The following EXD2 variants were observed in gnomAD, a reference collection of about 807,000 sequenced individuals.
The protein encoded by EXD2 is exonuclease 3'-5' domain containing 2, also known as exonuclease 3'-5' domain-containing protein 2.
In EXD2, 40 loss-of-function variants were observed where a neutral mutation model predicts 62.5. The ratio of observed to expected loss-of-function variants is 0.64; its 90% confidence interval spans 0.50 to 0.83. The LOEUF (loss-of-function observed/expected upper bound fraction) is 0.83, where lower values mean the gene tolerates loss of function less well. Ranked by LOEUF, EXD2 falls within the 40% of genes least tolerant of loss-of-function variation. The pLI is 0.00. For synonymous variants in EXD2, 239 were observed against 291.9 expected, an observed-to-expected ratio of 0.82 and a Z score of 1.85; for missense variants, 671 against 761.8, an observed-to-expected ratio of 0.88 and a Z score of 1.40.
At chr14:69,222,408 T>G (rs1042737082) in intron 3 of EXD2, among the ~76,000 whole-genome samples, 26 of 152,218 alleles carry the variant, frequency 1.7e-4, no homozygotes, top group African/African-American at 6.3e-4. Context: ...CTGACATCTT[T>G]CCATATTACT....
At chr14:69,216,164 C>G (rs959778334) in intron 3 of EXD2, among the ~76,000 whole-genome samples, 3 of 152,060 alleles carry the variant, frequency 2.0e-5, no homozygotes, top group Admixed American at 6.5e-5. Context: ...AATTTTTTCT[C>G]CTAAAGGGAT....
chr14:69,220,252 TG>T (rs1566829165), intron 3 of EXD2, among the ~76,000 whole-genome samples: 3 of 110,372 alleles, frequency 2.7e-5, no homozygotes, highest in African/African-American at 1.1e-4. Flanking sequence ...TTTGTCTCTC[TG>T]TTTTTTTTTT....
chr14:69,236,604 T>C (rs2043800230), intron 8 of EXD2, 62 bp downstream of exon 8: 1 of 1,608,210 alleles, frequency 6.2e-7, no homozygotes, highest in Admixed American at 1.7e-5. Context: ...TTTGTAGCCA[T>C]ATGCAGAGCC....
intron 2 of EXD2, among the ~76,000 whole-genome samples, chr14:69,208,651 A>G (rs78161116): frequency 0.02 from 3,081 of 152,300 alleles, 91 homozygotes; most frequent in African/African-American, 0.071. Flanking sequence ...ATGAAAAAGG[A>G]ACTATTTTGT....
At chr14:69,206,627 T>C (rs2042614866) in intron 2 of EXD2, among the ~76,000 whole-genome samples, 1 of 151,956 alleles carries the variant, frequency 6.6e-6, no homozygotes, top group South Asian at 2.1e-4. Context: ...ACTTAAGGCA[T>C]GTGCCACCAC....
intron 3 of EXD2, among the ~76,000 whole-genome samples, chr14:69,219,314 G>C (rs564410493): frequency 3.9e-5 from 6 of 152,230 alleles, no homozygotes; most frequent in African/African-American, 1.4e-4. Flanking sequence ...CTGTTTGTCT[G>C]TTATTGGTGT....
At position 69,216,523 on chromosome 14, in the gene EXD2, G is replaced by A. The variant is rs192532763; in HGVS notation, c.333+6720G>A. 5.3e-5 allele frequency among the ~76,000 whole-genome samples: 8 copies of A among 152,162 alleles called. No homozygotes were observed. In the East Asian group the frequency reaches 1.5e-3, roughly 29 times the overall value. On this transcript the variant is annotated intron_variant, in intron 3 of 9. Transcript: ENST00000685843. ...GCTCACTGCAGCCTCCACCTCCTGG[G>A]TTCAAGCCATTCTCCTGCCTCAGCC...
intron 3 of EXD2, among the ~76,000 whole-genome samples, chr14:69,212,316 G>C (rs2042834183): frequency 6.6e-6 from 1 of 152,110 alleles, no homozygotes; most frequent in Non-Finnish European, 1.5e-5. Flanking sequence ...GGTGGAGGTT[G>C]CAGTGAGCCG....
Position 69,201,686 on chromosome 14 carries a change from T to G in EXD2, c.-131-2231T>G, listed in dbSNP as rs918018603. Among the ~76,000 whole-genome samples the G allele has an allele frequency of 1.2e-3, 162 of 136,286 alleles. 1 individual carries two copies. The highest frequency in any genetic ancestry group is 3.3e-3 in the African/African-American group (118 of 35,376). The allele number at this position is 136,286 out of a possible 152,430, so 89.4% of individuals were successfully genotyped here. The stretch of plus-strand genomic sequence containing the variant: ...GTGTTTTCTCTGTTTTTTTTTTTTT[T>G]TTTTTTTTTTTTTTGAGACAGAGTC... On this transcript the variant is annotated intron_variant, in intron 1 of 9. Transcript: ENST00000685843.
chr14:69,242,269 C>A lies in EXD2; in HGVS notation c.*1169C>A. ...ACAAGCTTAAAAAAGAATTTTATGA[C>A]CAGAATCCAACAAGAGCTCTATTTT... On this transcript the variant is annotated 3_prime_UTR_variant, in exon 10 of 10. Coordinates refer to ENST00000685843, the MANE Select transcript of EXD2 (RefSeq NM_001193360.2). 2.7e-6 allele frequency: 1 copy of A among 374,000 alleles called. No homozygotes were observed. The allele number at this position is 374,000 out of a possible 1,614,324, so 23.2% of individuals were successfully genotyped here.
chr14:69,206,482 TTTTTGA>T (rs2042607329), intron 2 of EXD2, among the ~76,000 whole-genome samples: 1 of 97,534 alleles, frequency 1.0e-5, no homozygotes, highest in African/African-American at 3.6e-5. Context: ...TTTTTTTTTT[TTTTTGA>T]GATAGGGTCT....
intron 3 of EXD2, among the ~76,000 whole-genome samples, chr14:69,222,658 AG>A (rs2043225439): frequency 6.6e-6 from 1 of 152,182 alleles, no homozygotes; most frequent in Non-Finnish European, 1.5e-5. Flanking sequence ...TGCCTACAAG[AG>A]TCAAGCACGT....
rs2140068998 is a variant in EXD2, at chr14:69,243,837, G to C, written c.*2737G>C. The C allele has an allele frequency of 6.6e-6, 1 of 152,214 alleles. No homozygotes were observed. Among genetic ancestry groups the C allele is most frequent in the Non-Finnish European group, 1.5e-5 (1 of 68,020 alleles). 9.4% of individuals were successfully genotyped at this position (152,214 alleles called of 1,614,324 possible). Reference sequence around the variant, plus strand: ...AGTGAGAGGACAGTGTCACAGCAAGGGCCTCTCTGCATGCTCCCTGATCAT... The same window carrying C: ...AGTGAGAGGACAGTGTCACAGCAAGCGCCTCTCTGCATGCTCCCTGATCAT... On this transcript the variant is annotated 3_prime_UTR_variant, in exon 10 of 10. Coordinates refer to ENST00000685843, the MANE Select transcript of EXD2 (RefSeq NM_001193360.2).
intron 3 of EXD2, among the ~76,000 whole-genome samples, chr14:69,214,418 G>A (rs960465892): frequency 5.3e-5 from 8 of 151,988 alleles, no homozygotes; most frequent in Non-Finnish European, 7.4e-5. Context: ...CATTATATAC[G>A]ATTTCTTCTG....
intron 1 of EXD2, among the ~76,000 whole-genome samples, chr14:69,198,528 C>T (rs2042284721): frequency 6.6e-6 from 1 of 152,172 alleles, no homozygotes; most frequent in Non-Finnish European, 1.5e-5. Flanking sequence ...ATAATGATGG[C>T]CCCTCATGAC....
At chr14:69,229,178 G>A in intron 4 of EXD2, 106 bp downstream of exon 4, 5 of 1,372,804 alleles carry the variant, frequency 3.6e-6, no homozygotes, top group Non-Finnish European at 4.9e-6. Context: ...AATTGTATAG[G>A]AGCCTAGAGG....
At chr14:69,234,602 A>C in intron 5 of EXD2, 98 bp from the exon 6 acceptor site, 1 of 979,848 alleles carries the variant, frequency 1.0e-6, no homozygotes, top group Non-Finnish European at 1.5e-6. Context: ...ATTTTGAATT[A>C]GGATCCTAAG....
rs1202506895 is a variant in EXD2, at chr14:69,191,574, C to G, written c.-149C>G. 6.6e-6 allele frequency: 1 copy of G among 152,602 alleles called. No homozygotes were observed. The highest frequency in any genetic ancestry group is 1.5e-5 in the Non-Finnish European group (1 of 68,366). The allele number at this position is 152,602 out of a possible 1,614,324, so 9.5% of individuals were successfully genotyped here. ...ACGTGAGCCCGCTGCAGGTGTGCGG[C>G]CCAGTCCGAGACAGCAGGTAAGTGA... On this transcript the variant is annotated 5_prime_UTR_variant, in exon 1 of 10. Transcript: ENST00000685843.
At chr14:69,239,286 C>T (rs2140052899) in intron 9 of EXD2, 1 of 152,302 alleles carries the variant, frequency 6.6e-6, no homozygotes, top group East Asian at 1.9e-4. Flanking sequence ...CGCAGTTCTG[C>T]CTCCCAACTG....
Sources: gnomAD v4.1 joint callset for allele counts (sites outside exome capture counted in the v4.1 genomes callset) on GRCh38, gnomAD v4.1.1 for gene constraint, MANE v1.5 for transcripts, NCBI Gene and HGNC (gene_info 2026-07-23, HGNC 2026-07-21) for gene names.